The following TTC23 variants were observed in gnomAD, a reference collection of about 807,000 sequenced individuals.
TTC23 encodes the protein tetratricopeptide repeat domain 23.
A neutral mutation model predicts 55.1 loss-of-function variants in TTC23; 58 were observed. That is an observed-to-expected ratio of 1.05 (90% CI 0.85 to 1.31). The LOEUF is 1.31. TTC23 is among the 50% of genes most tolerant of loss of function. The pLI, the probability that TTC23 is intolerant of heterozygous loss-of-function variation, is 0.00. For synonymous variants in TTC23, 203 were observed against 199.9 expected (o/e 1.02, Z -0.13); for missense variants, 516 against 534.4 (o/e 0.97, Z 0.34).
chr15:99,185,490 C>T (rs1335095110), intron 9 of TTC23, among the ~76,000 whole-genome samples: 1 of 152,126 alleles, frequency 6.6e-6, no homozygotes, highest in Admixed American at 6.5e-5. Context: ...TTACACTTTG[C>T]AAGTCAAAAT....
chr15:99,147,393 T>G (rs1269638635), intron 12 of TTC23, among the ~76,000 whole-genome samples: 1 of 151,668 alleles, frequency 6.6e-6, no homozygotes, highest in African/African-American at 2.4e-5. Context: ...ACCCGGCTAA[T>G]TTTTTGTATT....
chr15:99,179,148 G>C (rs1449533084), intron 9 of TTC23, among the ~76,000 whole-genome samples: 1 of 152,170 alleles, frequency 6.6e-6, no homozygotes, highest in Non-Finnish European at 1.5e-5. Flanking sequence ...CAACGACCTA[G>C]CCAACACCTT....
At chr15:99,222,790 G>A (rs1400519305) in intron 5 of TTC23, among the ~76,000 whole-genome samples, 2 of 152,084 alleles carry the variant, frequency 1.3e-5, no homozygotes, top group Non-Finnish European at 2.9e-5. Flanking sequence ...AAGGTCAAGA[G>A]ATCGAGACCA....
chr15:99,235,357 AT>A (rs58184291), intron 3 of TTC23, among the ~76,000 whole-genome samples: 93,725 of 133,652 alleles, frequency 0.7, 30,957 homozygotes, highest in Middle Eastern at 0.81. Flanking sequence ...CATTTTAAGC[AT>A]TTTTTTTTTT....
At chr15:99,213,911 T>C (rs1188137671) in intron 8 of TTC23, among the ~76,000 whole-genome samples, 1 of 152,230 alleles carries the variant, frequency 6.6e-6, no homozygotes, top group African/African-American at 2.4e-5. Flanking sequence ...TATAATTTAG[T>C]AGTGATACTG....
At chr15:99,161,164 G>GTATATATATA (rs55826369) in intron 11 of TTC23, 1 of 150,268 alleles carries the variant, frequency 6.7e-6, no homozygotes, top group African/African-American at 2.5e-5. Context: ...GTGGGCGATT[G>GTATATATATA]TATATATATA....
Position 99,156,152 on chromosome 15 carries a change from T to C in TTC23, c.1139A>G (p.Lys380Arg). The C allele has an allele frequency of 2.5e-6, 4 of 1,614,186 alleles. No homozygotes were observed. The highest frequency in any genetic ancestry group is 3.4e-6 in the Non-Finnish European group (4 of 1,180,030). ...GNHSGARKKL[K>R]KCLQIQTLLY... ...TAGTACTGGTTCCAGCTTTACCTTC[T>C]TCAGTTTCTTGCGGGCCCCACTGTG... The change falls in exon 12 of 14, where the codon AAG (lysine) becomes AGG (arginine). Residue 380 changes from lysine (K) to arginine (R), a missense_variant. Coordinates refer to ENST00000394132, the MANE Select transcript of TTC23 (RefSeq NM_001288615.3).
intron 6 of TTC23, 88 bp from the exon 7 acceptor site, chr15:99,219,136 G>A (rs929199237): frequency 1.4e-6 from 2 of 1,455,878 alleles, no homozygotes; most frequent in Non-Finnish European, 1.9e-6. Context: ...ATCTAACAAG[G>A]TCTCCTTCAC....
At chr15:99,232,929 T>C (rs2079042760) in intron 4 of TTC23, among the ~76,000 whole-genome samples, 1 of 152,202 alleles carries the variant, frequency 6.6e-6, no homozygotes, top group Admixed American at 6.5e-5. Context: ...ATGTGGTATG[T>C]ATACACAATG....
intron 9 of TTC23, among the ~76,000 whole-genome samples, chr15:99,186,448 C>T (rs959282670): frequency 3.3e-5 from 5 of 152,108 alleles, no homozygotes; most frequent in South Asian, 4.2e-4. Context: ...CAGCAAAAAC[C>T]GCCTATCAAA....
At chr15:99,200,816 C>T (rs888011065) in intron 8 of TTC23, among the ~76,000 whole-genome samples, 1 of 152,164 alleles carries the variant, frequency 6.6e-6, no homozygotes, top group African/African-American at 2.4e-5. Context: ...AAGTCCAAAG[C>T]ACTTAAAATG....
chr15:99,149,574 CAG>C (rs1177073011), intron 12 of TTC23, among the ~76,000 whole-genome samples: 1 of 152,244 alleles, frequency 6.6e-6, no homozygotes, highest in Non-Finnish European at 1.5e-5. Context: ...GCCCCTGCCC[CAG>C]AGACTCTGGT....
At chr15:99,154,723 T>C (rs1431478458) in intron 12 of TTC23, among the ~76,000 whole-genome samples, 2 of 152,260 alleles carry the variant, frequency 1.3e-5, no homozygotes, top group Non-Finnish European at 2.9e-5. Context: ...TCTCCACTGA[T>C]GCTGAAAAAG....
intron 9 of TTC23, among the ~76,000 whole-genome samples, chr15:99,199,322 G>C (rs2623180): frequency 0.7 from 104,818 of 149,788 alleles, 37,540 homozygotes; most frequent in African/African-American, 0.87. Flanking sequence ...AATCCCAGCA[G>C]TTTGGGAGGC....
Position 99,151,563 on chromosome 15 carries a change from T to A in TTC23, c.1143+4585A>T, listed in dbSNP as rs2069755171. Among the ~76,000 whole-genome samples, 3 of 152,272 alleles carry A rather than the reference T, an allele frequency of 2.0e-5. No individual in the cohort carries two copies. The South Asian group carries it at 6.2e-4, about 32-fold the overall frequency. On this transcript the variant is annotated intron_variant, in intron 12 of 13. Transcript: ENST00000394132. ...CATGAGAGTCTAGCTGAGGCTCAGC[T>A]GCATCCTGCCGGCGAATCACTGGCT...
In TTC23 at chr15:99,187,452, C is replaced by CAAAAAAAAAAAAAAAAAAAAAAAAAAAAA. The variant is rs66568931; in HGVS notation, c.760-12298_760-12297insTTTTTTTTTTTTTTTTTTTTTTTTTTTTT. ...GGAGATGTGATGCCAAAAGCACAAG[C>CAAAAAAAAAAAAAAAAAAAAAAAAAAAAA]AAAAAAAAAAAAAAAACAAAACAAA... On this transcript the variant is annotated intron_variant, in intron 9 of 13. Transcript: ENST00000394132. Among the ~76,000 whole-genome samples, 10 of 44,488 alleles carry CAAAAAAAAAAAAAAAAAAAAAAAAAAAAA rather than the reference C, an allele frequency of 2.2e-4. 1 individual carries two copies. Among genetic ancestry groups the CAAAAAAAAAAAAAAAAAAAAAAAAAAAAA allele is most frequent in the African/African-American group, 2.9e-4 (3 of 10,190 alleles). 29.2% of individuals were successfully genotyped at this position (44,488 alleles called of 152,430 possible).
chr15:99,192,322 A>G (rs4602019), intron 9 of TTC23, among the ~76,000 whole-genome samples: 117,873 of 152,116 alleles, frequency 0.77, 46,193 homozygotes, highest in East Asian at 0.92. Context: ...AGACCTTTGC[A>G]CAGTCCCTCC....
intron 12 of TTC23, among the ~76,000 whole-genome samples, chr15:99,152,366 CTTTTTCTT>C (rs1271133214): frequency 1.1e-5 from 1 of 93,674 alleles, no homozygotes; most frequent in Non-Finnish European, 2.0e-5. Context: ...TCAAGTATTT[CTTTTTCTT>C]TTTTTCTTTT....
intron 9 of TTC23, among the ~76,000 whole-genome samples, chr15:99,189,874 A>G (rs1170773626): frequency 6.6e-6 from 1 of 152,156 alleles, no homozygotes; most frequent in Non-Finnish European, 1.5e-5. Context: ...GAATATGACC[A>G]ATGTTCAAAA....
Sources: allele counts gnomAD v4.1 joint callset (sites outside exome capture counted in the v4.1 genomes callset), GRCh38; gene constraint gnomAD v4.1.1; transcripts MANE v1.5; gene names NCBI Gene and HGNC (gene_info 2026-07-23, HGNC 2026-07-21).